The following FAM193A variants were observed in gnomAD, a reference collection of about 807,000 sequenced individuals.
The protein encoded by FAM193A is family with sequence similarity 193 member A.
A neutral mutation model predicts 126.5 loss-of-function variants in FAM193A; 22 were observed. The ratio of observed to expected loss-of-function variants is 0.17; its 90% CI spans 0.12 to 0.25. The LOEUF (loss-of-function observed/expected upper bound fraction) is 0.25. FAM193A is among the 10% of genes least tolerant of loss of function. The pLI, the probability that FAM193A is intolerant of heterozygous loss-of-function variation, is 1.00. For missense variants in FAM193A, 1,675 were observed against 1,672.8 expected, an observed-to-expected ratio of 1.00 and a Z score of -0.02; for synonymous variants, 761 against 646.8, an observed-to-expected ratio of 1.18 and a Z score of -2.68.
At chr4:2,628,243 T>C (rs902234000) in intron 4 of FAM193A, among the ~76,000 whole-genome samples, 1 of 152,198 alleles carries the variant, frequency 6.6e-6, no homozygotes, top group African/African-American at 2.4e-5. Context: ...GCAGGGATAG[T>C]GATTAGCCAT....
chr4:2,725,024 C>A (rs1432262023), intron 20 of FAM193A, among the ~76,000 whole-genome samples: 1 of 151,868 alleles, frequency 6.6e-6, no homozygotes, highest in Non-Finnish European at 1.5e-5. Flanking sequence ...TTACAGGCAC[C>A]CACCACCATG....
chr4:2,620,860 T>TAAAAAAAAAAAAAAAAAAAAA (rs1742505884), intron 2 of FAM193A, among the ~76,000 whole-genome samples: 14 of 113,874 alleles, frequency 1.2e-4, no homozygotes, highest in African/African-American at 1.9e-4. Flanking sequence ...AAAAAAAAAG[T>TAAAAAAAAAAAAAAAAAAAAA]AATTAACAAG....
At chr4:2,689,437 A>T in intron 13 of FAM193A, 69 bp from the exon 14 acceptor site, 1 of 1,118,184 alleles carries the variant, frequency 8.9e-7, no homozygotes, top group Non-Finnish European at 1.3e-6. Flanking sequence ...GTCTGTCTGT[A>T]GTTTAACTAC....
intron 7 of FAM193A, among the ~76,000 whole-genome samples, chr4:2,650,095 C>T (rs553439105): frequency 6.6e-6 from 1 of 152,280 alleles, no homozygotes; most frequent in Admixed American, 6.5e-5. Flanking sequence ...GCTCAGGGCT[C>T]CCACTAATTG....
At chr4:2,579,486 C>T (rs1384842840) in intron 1 of FAM193A, among the ~76,000 whole-genome samples, 2 of 152,020 alleles carry the variant, frequency 1.3e-5, no homozygotes, top group East Asian at 3.9e-4. Context: ...TCACTTAAAC[C>T]CAGGCGTTGG....
At chr4:2,659,417 T>A in intron 8 of FAM193A, 141 bp from the exon 9 acceptor site, 1 of 651,354 alleles carries the variant, frequency 1.5e-6, no homozygotes, top group East Asian at 2.8e-5. Flanking sequence ...CCAGGTCTGC[T>A]GCCCCTGTAT....
chr4:2,717,492 A>C (rs1719671028), intron 20 of FAM193A, among the ~76,000 whole-genome samples: 1 of 150,332 alleles, frequency 6.7e-6, no homozygotes, highest in Non-Finnish European at 1.5e-5. Flanking sequence ...GCTACTCAGG[A>C]GGCTGAGGCA....
intron 20 of FAM193A, among the ~76,000 whole-genome samples, chr4:2,720,906 G>C (rs1720065488): frequency 6.6e-6 from 1 of 152,174 alleles, no homozygotes; most frequent in Admixed American, 6.5e-5. Context: ...GGGCATAGTG[G>C]CTCATGCCTG....
intron 2 of FAM193A, among the ~76,000 whole-genome samples, chr4:2,601,286 G>T (rs1437971303): frequency 7.4e-6 from 1 of 135,790 alleles, no homozygotes; most frequent in Non-Finnish European, 1.5e-5. Context: ...AGGCTGGAGT[G>T]CAGTGGTGCG....
chr4:2,687,588 C>T (rs992241358), intron 13 of FAM193A, among the ~76,000 whole-genome samples: 1 of 152,218 alleles, frequency 6.6e-6, no homozygotes, highest in Admixed American at 6.5e-5. Context: ...AGCTCCTGGA[C>T]TAGATGTGCA....
At chr4:2,711,109 C>T (rs927680028) in intron 19 of FAM193A, among the ~76,000 whole-genome samples, 3 of 152,172 alleles carry the variant, frequency 2.0e-5, no homozygotes, top group African/African-American at 7.2e-5. Flanking sequence ...ACCTTGGCCT[C>T]CCAAAGTGCT....
At chr4:2,711,942 A>G in intron 19 of FAM193A, among the ~76,000 whole-genome samples, 1 of 152,266 alleles carries the variant, frequency 6.6e-6, no homozygotes, top group South Asian at 2.1e-4. Context: ...AAAAGAAATT[A>G]TGTAATTTCC....
chr4:2,595,639 T>G (rs992618203), intron 1 of FAM193A, among the ~76,000 whole-genome samples: 3 of 152,192 alleles, frequency 2.0e-5, no homozygotes, highest in African/African-American at 7.2e-5. Context: ...GAATCTGGAA[T>G]TTGGACAGCC....
intron 2 of FAM193A, among the ~76,000 whole-genome samples, chr4:2,603,604 ATG>A (rs1741351333): frequency 2.0e-5 from 3 of 149,806 alleles, no homozygotes; most frequent in African/African-American, 7.3e-5. Flanking sequence ...CTACGGGTGC[ATG>A]CCACCACGCC....
intron 19 of FAM193A, chr4:2,715,556 C>A: frequency 4.0e-6 from 4 of 990,076 alleles, no homozygotes; most frequent in Non-Finnish European, 4.8e-6. Flanking sequence ...CTCTTCCTGT[C>A]AAGGGCACAT....
chr4:2,634,755 C>G (rs934318207), intron 5 of FAM193A, among the ~76,000 whole-genome samples: 5 of 152,160 alleles, frequency 3.3e-5, no homozygotes, highest in African/African-American at 1.2e-4. Context: ...AAATCCTTCT[C>G]TGGTTATAGT....
intron 5 of FAM193A, among the ~76,000 whole-genome samples, chr4:2,634,236 C>T (rs374303052): frequency 3.9e-5 from 6 of 152,154 alleles, no homozygotes; most frequent in African/African-American, 1.4e-4. Context: ...CAGCCAGCTG[C>T]CACATGAGCT....
rs559205207 is a variant in FAM193A at position 2,638,409 on chromosome 4, G to A, written c.1039-1326G>A. Among the ~76,000 whole-genome samples the A allele has an allele frequency of 2.0e-5, 3 of 152,316 alleles. No homozygotes were observed. The South Asian group carries it at 6.2e-4, about 32-fold the overall frequency. Reference sequence around the variant, plus strand: ...GCTGGGTATCAGTTACCTGGCCCTGGTCTCCTGCCACGTGCATTTTTCCTG... The same window carrying A: ...GCTGGGTATCAGTTACCTGGCCCTGATCTCCTGCCACGTGCATTTTTCCTG... On this transcript the variant is annotated intron_variant, in intron 5 of 20. Transcript: ENST00000637812.
At chr4:2,667,008 TAGTTTGTTGAAACAAA>T (rs1448740998) in intron 12 of FAM193A, among the ~76,000 whole-genome samples, 1 of 152,270 alleles carries the variant, frequency 6.6e-6, no homozygotes, top group Non-Finnish European at 1.5e-5. Context: ...CTTCCTTTTC[TAGTTTGTTGAAACAAA>T]AGCTTAGATG....
Sources: gnomAD v4.1 joint callset for allele counts (sites outside exome capture counted in the v4.1 genomes callset) on GRCh38, gnomAD v4.1.1 for gene constraint, MANE v1.5 for transcripts, NCBI Gene and HGNC (gene_info 2026-07-23, HGNC 2026-07-21) for gene names.